MMP16: variants seen among roughly 807,000 people sequenced by gnomAD.
MMP16 encodes the protein matrix metallopeptidase 16.
A neutral mutation model predicts 67.8 loss-of-function variants in MMP16; 12 were observed. The observed-to-expected ratio is 0.18, with a 90% confidence interval of 0.11 to 0.29. MMP16 has a LOEUF of 0.29. Ranked by LOEUF, MMP16 falls within the 10% of genes least tolerant of loss-of-function variation. The pLI, the probability that MMP16 is intolerant of heterozygous loss-of-function variation, is 1.00. For missense variants in MMP16, 475 were observed against 765.7 expected (o/e 0.62, Z 4.48); for synonymous variants, 249 against 255.9 (o/e 0.97, Z 0.26).
chr8:88,158,482 G>T (rs13254949), intron 4 of MMP16, among the ~76,000 whole-genome samples: 39,435 of 146,162 alleles, frequency 0.27, 6,390 homozygotes, highest in Non-Finnish European at 0.39. Context: ...GAGAAGTGTC[G>T]ATTCATATCC....
intron 6 of MMP16, among the ~76,000 whole-genome samples, chr8:88,097,282 C>T (rs1428544030): frequency 6.6e-6 from 1 of 151,608 alleles, no homozygotes; most frequent in Non-Finnish European, 1.5e-5. Context: ...TATAATTTGC[C>T]AAGGATCTTT....
intron 1 of MMP16, among the ~76,000 whole-genome samples, chr8:88,293,620 C>CTA (rs143491144): frequency 0.011 from 1,635 of 152,084 alleles, 31 homozygotes; most frequent in African/African-American, 0.037. Flanking sequence ...TAAACATATA[C>CTA]TATATATATT....
chr8:88,235,709 C>T (rs1369333523), intron 1 of MMP16, among the ~76,000 whole-genome samples: 1 of 152,038 alleles, frequency 6.6e-6, no homozygotes, highest in East Asian at 1.9e-4. Context: ...CCAGAATGTT[C>T]CCAAATCTTT....
chr8:88,119,486 A>G (rs776018508), intron 4 of MMP16, among the ~76,000 whole-genome samples: 1 of 152,070 alleles, frequency 6.6e-6, no homozygotes, highest in Non-Finnish European at 1.5e-5. Flanking sequence ...ATAAATACCA[A>G]TTCTAATCTT....
At chr8:88,086,975 G>A (rs1268308990) in intron 6 of MMP16, among the ~76,000 whole-genome samples, 2 of 151,802 alleles carry the variant, frequency 1.3e-5, no homozygotes, top group African/African-American at 2.4e-5. Flanking sequence ...GAGAAAAACA[G>A]AGACAGAGAG....
intron 1 of MMP16, 93 bp from the exon 2 acceptor site, chr8:88,197,399 C>T (rs1351170699): frequency 9.4e-7 from 1 of 1,066,590 alleles, no homozygotes; most frequent in Non-Finnish European, 1.3e-6. Flanking sequence ...GAGTTTTGAA[C>T]ATTTTCTCCA....
At chr8:88,052,914 C>T (rs1237232242) in intron 8 of MMP16, among the ~76,000 whole-genome samples, 1 of 152,158 alleles carries the variant, frequency 6.6e-6, no homozygotes, top group Admixed American at 6.5e-5. Context: ...AGTCTCATTT[C>T]TCACTGTGAA....
At chr8:88,233,545 G>T (rs1809895488) in intron 1 of MMP16, among the ~76,000 whole-genome samples, 1 of 152,156 alleles carries the variant, frequency 6.6e-6, no homozygotes, top group South Asian at 2.1e-4. Context: ...CTTTCATGAT[G>T]CAAGTCTGAT....
chr8:88,284,041 A>T (rs149030640), intron 1 of MMP16, among the ~76,000 whole-genome samples: 1 of 152,164 alleles, frequency 6.6e-6, no homozygotes, highest in East Asian at 1.9e-4. Context: ...GCCCCCAAAC[A>T]TCATCACCTT....
At chr8:88,283,079 G>T (rs1810766829) in intron 1 of MMP16, among the ~76,000 whole-genome samples, 1 of 151,832 alleles carries the variant, frequency 6.6e-6, no homozygotes, top group South Asian at 2.1e-4. Context: ...ATAATACTCT[G>T]GTCTGGATTA....
intron 6 of MMP16, among the ~76,000 whole-genome samples, chr8:88,113,902 T>A (rs1313421005): frequency 1.3e-5 from 2 of 152,148 alleles, no homozygotes; most frequent in East Asian, 3.9e-4. Flanking sequence ...TCTTGAATAC[T>A]TACCATTTCA....
At chr8:88,201,326 T>A (rs1809342271) in intron 1 of MMP16, among the ~76,000 whole-genome samples, 1 of 152,008 alleles carries the variant, frequency 6.6e-6, no homozygotes. Context: ...AATGCCTATT[T>A]GTGACTGAAT....
At chr8:88,297,571 T>C (rs1811031997) in intron 1 of MMP16, among the ~76,000 whole-genome samples, 3 of 152,216 alleles carry the variant, frequency 2.0e-5, no homozygotes, top group Non-Finnish European at 4.4e-5. Context: ...AGCAGTGGTC[T>C]GCCAGAGAGG....
chr8:88,226,950 C>A (rs1049067034), intron 1 of MMP16, among the ~76,000 whole-genome samples: 1 of 151,646 alleles, frequency 6.6e-6, no homozygotes, highest in African/African-American at 2.4e-5. Context: ...TTTAAGAACA[C>A]GAAAACAATA....
At chr8:88,097,811 C>T (rs984557311) in intron 6 of MMP16, among the ~76,000 whole-genome samples, 1 of 151,670 alleles carries the variant, frequency 6.6e-6, no homozygotes, top group Non-Finnish European at 1.5e-5. Context: ...AATAGTTATA[C>T]TTAATTTTTC....
At chr8:88,141,198 A>G (rs1808205149) in intron 4 of MMP16, among the ~76,000 whole-genome samples, 1 of 152,212 alleles carries the variant, frequency 6.6e-6, no homozygotes, top group South Asian at 2.1e-4. Flanking sequence ...TAATCAATTA[A>G]TATCCTTTCT....
chr8:88,327,325 G>T lies in MMP16; in HGVS notation c.-119C>A, dbSNP rs141747228. ...CTCCGGGTGGGTAAGGAGCCTGCAG[G>T]TTCACCCACAGCCGGGCAAGGGGAG... is the stretch of plus-strand genomic sequence containing the variant. On this transcript the variant is annotated 5_prime_UTR_variant, in exon 1 of 10. Transcript: ENST00000286614. 3.6e-6 allele frequency: 5 copies of T among 1,380,742 alleles called. No individual in the cohort carries two copies. The East Asian group carries it at 1.2e-4, about 33-fold the overall frequency. The allele number at this position is 1,380,742 out of a possible 1,614,324, so 85.5% of individuals were successfully genotyped here.
chr8:88,186,532 A>T lies in MMP16; in HGVS notation c.348T>A (p.Arg116=). 1 of 1,610,538 alleles carries T rather than the reference A, an allele frequency of 6.2e-7. No individual in the cohort carries two copies. Among genetic ancestry groups the T allele is most frequent in the Non-Finnish European group, 8.5e-7 (1 of 1,179,006 alleles). The change falls in exon 3 of 10, where the codon CGT becomes CGA. Residue 116 remains arginine (R), a synonymous_variant. Transcript: ENST00000286614. ...QTRGSSKFHI[R]RKRYALTGQK... ...GTCCTGTCAATGCATATCGCTTTCG[A>T]CGAATATGAAATTTGGAGCTACCTC...
intron 1 of MMP16, among the ~76,000 whole-genome samples, chr8:88,303,139 C>T (rs1811130817): frequency 6.6e-6 from 1 of 152,174 alleles, no homozygotes. Context: ...TACTGTGGTC[C>T]TGGGATTCCT....
Sources: allele counts gnomAD v4.1 joint callset (sites outside exome capture counted in the v4.1 genomes callset), GRCh38; gene constraint gnomAD v4.1.1; transcripts MANE v1.5; gene names NCBI Gene and HGNC (gene_info 2026-07-23, HGNC 2026-07-21).